DNAH1: variants seen among roughly 807,000 people sequenced by gnomAD.
The protein encoded by DNAH1 is axonemal beta dynein heavy chain 1.
In DNAH1, 327 loss-of-function variants were observed where a neutral mutation model predicts 484.3. The observed-to-expected ratio is 0.68, with a 90% CI of 0.62 to 0.74. DNAH1 has a LOEUF of 0.74. DNAH1 is among the 30% of genes least tolerant of loss of function. The pLI is 0.00. For missense variants in DNAH1, 5,052 were observed against 5,546.8 expected, an observed-to-expected ratio of 0.91 and a Z score of 2.83; for synonymous variants, 2,192 against 2,191.9, an observed-to-expected ratio of 1.00 and a Z score of 0.00.
Position 52,366,830 on chromosome 3 carries a change from CCAAGTCCAT to C in DNAH1, c.5711_5719del (p.Lys1904_Ile1906del), listed in dbSNP as rs1559536505. On this transcript the variant is annotated inframe_deletion, in exon 36 of 78. Coordinates refer to ENST00000420323, the MANE Select transcript of DNAH1 (RefSeq NM_015512.5). The stretch of plus-strand genomic sequence containing the variant: ...GCTGTCAACTACTACGTGCTCAACC[CCAAGTCCAT>C]CACGATGGGCCAGCTGTACGGGGAG... 1 of 1,613,932 alleles carries C rather than the reference CCAAGTCCAT, an allele frequency of 6.2e-7. No individual in the cohort carries two copies. Among genetic ancestry groups the C allele is most frequent in the South Asian group, 1.1e-5 (1 of 91,088 alleles).
rs143374293 is a variant in DNAH1 at position 52,375,872 on chromosome 3, T to G, written c.7160-83T>G. On this transcript the variant is annotated intron_variant, in intron 45 of 77. Transcript: ENST00000420323. ...GAAAAGCTTACCCCAAGATGCTGTT[T>G]CCCCCACCATCTCACCTGGCCAGGG... 1.3e-4 allele frequency: 194 copies of G among 1,503,034 alleles called. 1 individual carries two copies. The African/African-American group carries it at 2.0e-3, about 16-fold the overall frequency. 93.1% of individuals were successfully genotyped at this position (1,503,034 alleles called of 1,614,324 possible).
intron 4 of DNAH1, 81 bp from the exon 5 acceptor site, chr3:52,326,654 C>T (rs1040483603): frequency 1.3e-6 from 2 of 1,499,466 alleles, no homozygotes; most frequent in South Asian, 1.3e-5. Flanking sequence ...TCCCCACAAC[C>T]CCGTAGGCCC....
Position 52,393,419 on chromosome 3 carries a change from G to A in DNAH1, c.10560G>A (p.Lys3520=), listed in dbSNP as rs914422146. The A allele has an allele frequency of 1.9e-6, 3 of 1,613,918 alleles. No homozygotes were observed. The African/African-American group carries it at 4.0e-5, about 22-fold the overall frequency. ...YSNVCRSLFE[K]HKLMFAFLLC... ...ACGTCTGCCGCAGCCTCTTTGAGAAGCACAAGCTGATGTTTGCCTTCCTGC... is the reference window on the plus strand; with the variant it reads ...ACGTCTGCCGCAGCCTCTTTGAGAAACACAAGCTGATGTTTGCCTTCCTGC... Residue 3520 remains lysine, a synonymous_variant, in exon 66 of 78, where the codon AAG becomes AAA. Coordinates refer to ENST00000420323, the MANE Select transcript of DNAH1 (RefSeq NM_015512.5).
intron 6 of DNAH1, 32 bp from the exon 7 acceptor site, chr3:52,331,116 G>C: frequency 6.4e-7 from 1 of 1,561,300 alleles, no homozygotes; most frequent in East Asian, 2.4e-5. Flanking sequence ...CCATGGCGGG[G>C]GGCACTGGTG....
At chr3:52,332,639 A>T (rs1701599298) in intron 8 of DNAH1, among the ~76,000 whole-genome samples, 2 of 152,202 alleles carry the variant, frequency 1.3e-5, no homozygotes, top group Admixed American at 1.3e-4. Context: ...ACTACTTTTT[A>T]AAAATTTTGA....
intron 36 of DNAH1, 109 bp downstream of exon 36, chr3:52,366,996 AG>A: frequency 7.5e-7 from 1 of 1,332,686 alleles, no homozygotes; most frequent in South Asian, 1.4e-5. Context: ...CGGGCTCTGC[AG>A]CCCAACGCTT....
At position 52,372,283 on chromosome 3, in the gene DNAH1, C is replaced by T. The variant is rs371686959; in HGVS notation, c.6723C>T (p.Leu2241=). 2.5e-6 allele frequency: 4 copies of T among 1,614,012 alleles called. No individual in the cohort carries two copies. The East Asian group carries it at 8.9e-5, about 36-fold the overall frequency. Residue 2241 remains leucine, a synonymous_variant, in exon 43 of 78, where the codon CTC becomes CTT. Coordinates refer to ENST00000420323, the MANE Select transcript of DNAH1 (RefSeq NM_015512.5). ...AGACGCTCACCATCTCTGACAAGCT[C>T]CTCAAGAACCTGGCACTGGATTACA... ...TGKTLTISDK[L]LKNLALDYIS...
Position 52,353,547 on chromosome 3 carries a change from C to T in DNAH1, c.3394C>T (p.Arg1132Cys), listed in dbSNP as rs1037853835. 6 of 1,613,612 alleles carry T rather than the reference C, an allele frequency of 3.7e-6. No homozygotes were observed. The highest frequency in any genetic ancestry group is 2.2e-5 in the East Asian group (1 of 44,878). ...VRPKANLTFA[R>C]CLEMNLQDHI... Reference sequence around the variant, plus strand: ...GCCCAAGGCCAACCTGACCTTTGCTCGCTGCCTGGAGATGAACCTGCAGGA... The same window carrying T: ...GCCCAAGGCCAACCTGACCTTTGCTTGCTGCCTGGAGATGAACCTGCAGGA... Residue 1132 changes from arginine (R) to cysteine (C), a missense_variant, in exon 20 of 78, where the codon CGC becomes TGC. Transcript: ENST00000420323. This position sits in a 1 kb window ranked among gnomAD's most constrained non-coding sequence, Gnocchi z 5.0.
chr3:52,363,255 C>G, intron 32 of DNAH1, 111 bp downstream of exon 32: 1 of 1,393,568 alleles, frequency 7.2e-7, no homozygotes, highest in South Asian at 1.3e-5. Flanking sequence ...ACAGGCATTA[C>G]CTTGTCGGCT....
intron 11 of DNAH1, among the ~76,000 whole-genome samples, chr3:52,347,226 G>A (rs1217373330): frequency 1.3e-5 from 2 of 150,844 alleles, no homozygotes; most frequent in African/African-American, 4.8e-5. Flanking sequence ...GATGTGAGGT[G>A]GAGGCAGGTA....
At chr3:52,389,640 C>T in intron 60 of DNAH1, 54 bp downstream of exon 60, 1 of 1,313,234 alleles carries the variant, frequency 7.6e-7, no homozygotes, top group Non-Finnish European at 9.8e-7. Context: ...GTGGTCCAGG[C>T]TGGGCCAGGA....
In DNAH1 at chr3:52,378,840, C is replaced by T. The variant is rs1276979811; in HGVS notation, c.7377+60C>T. The stretch of plus-strand genomic sequence containing the variant: ...CACTGCTCTCCGCATCCTCCCCAGC[C>T]CCACCAATTTCAGGCCTTCCTGCCC... On this transcript the variant is annotated intron_variant, in intron 47 of 77. Coordinates refer to ENST00000420323, the MANE Select transcript of DNAH1 (RefSeq NM_015512.5). 1.9e-6 allele frequency: 3 copies of T among 1,594,686 alleles called. No homozygotes were observed. In the African/African-American group the frequency reaches 4.0e-5, roughly 21 times the overall value.
Position 52,353,411 on chromosome 3 carries a change from C to A in DNAH1, c.3258C>A (p.Ala1086=). 1 of 1,613,274 alleles carries A rather than the reference C, an allele frequency of 6.2e-7. No homozygotes were observed. The highest frequency in any genetic ancestry group is 8.5e-7 in the Non-Finnish European group (1 of 1,179,426). The change falls in exon 20 of 78, where the codon GCC becomes GCA. Residue 1086 remains alanine, a synonymous_variant. Transcript: ENST00000420323. The surrounding 1 kb of genome is among the most constrained non-coding windows in gnomAD (Gnocchi z 5.0). ...AGGAAGTGGCCTTGGACATCCGGGC[C>A]CGCATCGAGGAGTTCAAACCATACA... ...ACQEVALDIR[A]RIEEFKPYIP... is the part of the protein sequence containing the mutation.
At chr3:52,323,049 G>A (rs780406527) in intron 2 of DNAH1, among the ~76,000 whole-genome samples, 25 of 152,322 alleles carry the variant, frequency 1.6e-4, no homozygotes, top group Non-Finnish European at 3.2e-4. Context: ...TGGAGATGCA[G>A]CAGGGATGAG....
chr3:52,316,920 G>A (rs960734517), intron 1 of DNAH1, among the ~76,000 whole-genome samples: 3 of 152,170 alleles, frequency 2.0e-5, no homozygotes, highest in Non-Finnish European at 4.4e-5. Context: ...AGGTACAGAT[G>A]GGGTGATGTT....
At chr3:52,366,392 G>T in intron 34 of DNAH1, 65 bp from the exon 35 acceptor site, 1 of 1,335,492 alleles carries the variant, frequency 7.5e-7, no homozygotes. Context: ...GGTCACACAA[G>T]TTAGTGGTGT....
rs763132930 is a variant in DNAH1 at position 52,398,924 on chromosome 3, T to C, written c.12164T>C (p.Met4055Thr). The part of the protein sequence containing the change: ...LLKALKGLVV[M>T]SSQLELMAAS... ...AAGGCACTCAAGGGGCTGGTAGTGA[T>C]GTCCTCTCAGCTGGAGCTGATGGCT... Residue 4055 changes from methionine (M) to threonine (T), a missense_variant, in exon 76 of 78, where the codon ATG becomes ACG. Around this residue, in one of 4 missense-constraint regions of DNAH1, gnomAD observed 853 missense variants for 899.0 expected, o/e 0.95. Transcript: ENST00000420323. 6 of 1,612,066 alleles carry C rather than the reference T, an allele frequency of 3.7e-6. No homozygotes were observed. In the African/African-American group the frequency reaches 8.0e-5, roughly 22 times the overall value.
rs996908970 is a variant in DNAH1 at position 52,355,751 on chromosome 3, G to A, written c.3693+696G>A. The stretch of plus-strand genomic sequence containing the variant: ...CTATCCCCAGTCCCCCTCTGCTCAC[G>A]CTGTCCACTCGACCTGGAGTTTGAC... On this transcript the variant is annotated intron_variant, in intron 21 of 77. Transcript: ENST00000420323. This position sits in a 1 kb window ranked among gnomAD's most constrained non-coding sequence, Gnocchi z 4.5. Among the ~76,000 whole-genome samples, 8 of 152,226 alleles carry A rather than the reference G, an allele frequency of 5.3e-5. No homozygotes were observed. Among genetic ancestry groups the A allele is most frequent in the African/African-American group, 1.7e-4 (7 of 41,466 alleles).
intron 50 of DNAH1, 40 bp downstream of exon 50, chr3:52,382,495 G>A (rs1578181902): frequency 1.2e-6 from 2 of 1,609,290 alleles, no homozygotes; most frequent in East Asian, 2.2e-5. Flanking sequence ...CGGGGGGGCT[G>A]GACACAACCC....
Sources: gnomAD v4.1 joint callset for allele counts (sites outside exome capture counted in the v4.1 genomes callset) on GRCh38, gnomAD v4.1.1 for gene constraint, gnomAD v4.1.1 regional missense constraint, Gnocchi (gnomAD v3.1) non-coding constraint, MANE v1.5 for transcripts, NCBI Gene and HGNC (gene_info 2026-07-23, HGNC 2026-07-21) for gene names.